Variants in ST7L observed in about 807,000 individuals in gnomAD.
The protein encoded by ST7L is suppression of tumorigenicity 7 like.
ST7L carries 57 observed loss-of-function variants against 72.5 expected under a neutral mutation model. That is an observed-to-expected ratio of 0.79 (90% CI 0.64 to 0.98). The LOEUF (loss-of-function observed/expected upper bound fraction) is 0.98, where lower values mean the gene tolerates loss of function less well. Ranked by LOEUF, ST7L falls within the 50% of genes least tolerant of loss-of-function variation. The pLI is 0.00. For synonymous variants in ST7L, 221 were observed against 240.9 expected (o/e 0.92, Z 0.77); for missense variants, 576 against 672.2 (o/e 0.86, Z 1.58).
intron 12 of ST7L, among the ~76,000 whole-genome samples, chr1:112,552,011 T>C (rs2101564784): frequency 6.6e-6 from 1 of 152,256 alleles, no homozygotes; most frequent in East Asian, 1.9e-4. Context: ...ATTATTTTAG[T>C]TCAGGGTCAA....
chr1:112,585,464 C>T (rs574120486), intron 6 of ST7L, among the ~76,000 whole-genome samples: 91 of 152,204 alleles, frequency 6.0e-4, no homozygotes, highest in African/African-American at 2.1e-3. Flanking sequence ...TATTTTGGGC[C>T]GGGCGCGGTG....
chr1:112,520,694 C>T, downstream of ST7L: 1 of 642,516 alleles, frequency 1.6e-6, no homozygotes, highest in Non-Finnish European at 2.7e-6. Flanking sequence ...AAGGAGTTGT[C>T]AGGGGATATA....
intron 5 of ST7L, among the ~76,000 whole-genome samples, chr1:112,592,368 G>A (rs1272271826): frequency 6.6e-6 from 1 of 152,162 alleles, no homozygotes; most frequent in East Asian, 1.9e-4. Flanking sequence ...TGTCCAGGAA[G>A]AATAATGTGA....
intron 9 of ST7L, among the ~76,000 whole-genome samples, chr1:112,580,442 T>G (rs1663912176): frequency 6.6e-6 from 1 of 152,282 alleles, no homozygotes; most frequent in African/African-American, 2.4e-5. Flanking sequence ...CATGAGCCAC[T>G]GTGTCCAGCC....
At chr1:112,567,496 G>T (rs1324931442) in intron 11 of ST7L, among the ~76,000 whole-genome samples, 1 of 151,880 alleles carries the variant, frequency 6.6e-6, no homozygotes, top group Non-Finnish European at 1.5e-5. Context: ...TCTTATAATT[G>T]CCTTCTATGT....
chr1:112,550,018 TTTTG>T (rs1657850512), intron 13 of ST7L, among the ~76,000 whole-genome samples: 1 of 152,174 alleles, frequency 6.6e-6, no homozygotes, highest in Non-Finnish European at 1.5e-5. Context: ...GAGAGCCAGA[TTTTG>T]TCAAATGCTT....
chr1:112,570,711 TA>T, intron 11 of ST7L: 2 of 455,828 alleles, frequency 4.4e-6, no homozygotes, highest in Non-Finnish European at 8.8e-6. Flanking sequence ...ATAGAGACCA[TA>T]ACAGGAGAAA....
At chr1:112,562,585 T>C (rs1660352043) in intron 11 of ST7L, among the ~76,000 whole-genome samples, 1 of 151,996 alleles carries the variant, frequency 6.6e-6, no homozygotes, top group Admixed American at 6.5e-5. Flanking sequence ...TGAGTAGAAA[T>C]TTGCCAGGTA....
downstream of ST7L, among the ~76,000 whole-genome samples, chr1:112,519,879 T>TC (rs1405960413): frequency 1.3e-5 from 2 of 148,640 alleles, no homozygotes; most frequent in East Asian, 3.9e-4. Flanking sequence ...CTTCTTTTTT[T>TC]TTTTTTTTTT....
chr1:112,610,975 T>C lies in ST7L; in HGVS notation c.317A>G (p.His106Arg), dbSNP rs143476452. The C allele has an allele frequency of 1.7e-4, 268 of 1,614,064 alleles. No individual in the cohort carries two copies. The highest frequency in any genetic ancestry group is 2.1e-4 in the Non-Finnish European group (251 of 1,180,042). ...FIFEWWYFHK[H>R]GTSFIEQVSV... The stretch of plus-strand genomic sequence containing the variant: ...TACTTGCTCAATAAAAGATGTGCCA[T>C]GCTTATGGAAGTACCACCATTCAAA... The change falls in exon 3 of 15, where the codon CAT (histidine) becomes CGT (arginine). Residue 106 changes from histidine (H) to arginine (R), a missense_variant. Transcript: ENST00000358039.
At chr1:112,587,548 A>T (rs1308041901) in intron 6 of ST7L, among the ~76,000 whole-genome samples, 1 of 152,234 alleles carries the variant, frequency 6.6e-6, no homozygotes, top group African/African-American at 2.4e-5. Flanking sequence ...GGTTGCAGTG[A>T]GCCGAGATCG....
chr1:112,570,790 G>A (rs1452139266), intron 11 of ST7L: 1 of 456,082 alleles, frequency 2.2e-6, no homozygotes, highest in African/African-American at 2.0e-5. Context: ...AAATTCCAGA[G>A]CTCTCCCAGT....
Position 112,542,001 on chromosome 1 carries a change from C to T in ST7L, c.1579G>A (p.Ala527Thr). ...TCAGGAAACTGGTGAGTGAGAATGG[C>T]TATCATTGCTGTAGAAGAGCAAAAT... ...AGFCSSTAMI[A>T]ILTHQFPEIM... The change falls in exon 14 of 15, where the codon GCC becomes ACC. Residue 527 changes from alanine to threonine, a missense_variant. By Grantham distance (58) the Ala-to-Thr change is moderately conservative. Transcript: ENST00000358039. The T allele has an allele frequency of 6.2e-7, 1 of 1,613,948 alleles. No homozygotes were observed. The highest frequency in any genetic ancestry group is 8.5e-7 in the Non-Finnish European group (1 of 1,179,958).
chr1:112,570,714 C>T (rs1443105625), intron 11 of ST7L: 1 of 455,506 alleles, frequency 2.2e-6, no homozygotes, highest in Admixed American at 2.4e-5. Context: ...GAGACCATAA[C>T]AGGAGAAAAA....
At chr1:112,612,769 A>G (rs896346913) in intron 2 of ST7L, among the ~76,000 whole-genome samples, 1 of 152,064 alleles carries the variant, frequency 6.6e-6, no homozygotes, top group Non-Finnish European at 1.5e-5. Flanking sequence ...TCTTTACACA[A>G]GCAGAAACTG....
intron 5 of ST7L, among the ~76,000 whole-genome samples, chr1:112,597,212 G>A (rs193021827): frequency 1.9e-4 from 29 of 152,332 alleles, no homozygotes; most frequent in African/African-American, 6.5e-4. Context: ...GAATCCCAGA[G>A]AGGGCTTTCT....
intron 14 of ST7L, chr1:112,527,346 T>G (rs955121078): frequency 3.3e-5 from 5 of 152,610 alleles, no homozygotes; most frequent in Admixed American, 6.5e-5. Context: ...GCAGACTTTA[T>G]TTTTTGGTCC....
At chr1:112,522,156 C>T (rs41283054), downstream of ST7L, 4,798 of 152,316 alleles carry the variant, frequency 0.032, 130 homozygotes, top group African/African-American at 0.072. Flanking sequence ...TCAGCCTCCC[C>T]ATTAGCTGGG....
intron 11 of ST7L, among the ~76,000 whole-genome samples, 160 bp from the exon 12 acceptor site, chr1:112,556,178 G>T (rs1175940946): frequency 6.6e-6 from 1 of 152,122 alleles, no homozygotes. Flanking sequence ...CTGATAACAT[G>T]TATAAAATGC....
Sources: gnomAD v4.1 joint callset for allele counts (sites outside exome capture counted in the v4.1 genomes callset) on GRCh38, gnomAD v4.1.1 for gene constraint, MANE v1.5 for transcripts, NCBI Gene and HGNC (gene_info 2026-07-23, HGNC 2026-07-21) for gene names.